The following USH2A variants were observed in gnomAD, a reference collection of about 807,000 sequenced individuals.
USH2A encodes usherin.
Under a neutral mutation model 538.9 loss-of-function variants are expected in USH2A, and 443 were observed. The observed-to-expected ratio is 0.82, with a 90% CI of 0.76 to 0.89. USH2A has a LOEUF of 0.89. USH2A is among the 40% of genes least tolerant of loss of function. The pLI, the probability that USH2A is intolerant of heterozygous loss-of-function variation, is 0.00. For missense variants in USH2A, 6,633 were observed against 6,324.8 expected (o/e 1.05, Z -1.65); for synonymous variants, 2,413 against 2,273.5 (o/e 1.06, Z -1.75).
rs541873542 is a variant in USH2A, at chr1:215,680,201, C to T, written c.12242G>A (p.Arg4081Gln). 97 of 1,614,106 alleles carry T rather than the reference C, an allele frequency of 6.0e-5. No individual in the cohort carries two copies. In the South Asian group the frequency reaches 7.7e-4, roughly 13 times the overall value. ...NFIVEQKENG[R>Q]ALLLQWSEPM... is the part of the protein sequence containing the mutation. The stretch of plus-strand genomic sequence containing the variant: ...TTCTGACCACTGTAGTAGCAATGCC[C>T]GGCCATTCTCTTTCTGTTCTACTAT... Residue 4081 changes from arginine to glutamine, a missense_variant, in exon 62 of 72, where the codon CGG (arginine) becomes CAG (glutamine). Physicochemically the swap from Arg to Gln is conservative, Grantham distance 43. Coordinates refer to ENST00000307340, the MANE Select transcript of USH2A (RefSeq NM_206933.4).
chr1:216,267,866 A>G (rs892992904), intron 11 of USH2A, among the ~76,000 whole-genome samples: 1 of 152,148 alleles, frequency 6.6e-6, no homozygotes, highest in Admixed American at 6.5e-5. Flanking sequence ...CATATTTTAC[A>G]TGTAGTAGAT....
At chr1:215,710,085 G>A (rs1399192746) in intron 61 of USH2A, among the ~76,000 whole-genome samples, 1 of 152,192 alleles carries the variant, frequency 6.6e-6, no homozygotes, top group African/African-American at 2.4e-5. Flanking sequence ...AAGAAGCTAT[G>A]GGTACATAGG....
chr1:216,077,350 T>C (rs2031786154), intron 27 of USH2A, among the ~76,000 whole-genome samples: 1 of 152,174 alleles, frequency 6.6e-6, no homozygotes, highest in African/African-American at 2.4e-5. Context: ...ACAAGTATGT[T>C]TGGAAGTCAA....
At chr1:215,764,542 G>A (rs554054597) in intron 56 of USH2A, among the ~76,000 whole-genome samples, 53 of 152,254 alleles carry the variant, frequency 3.5e-4, no homozygotes, top group African/African-American at 1.2e-3. Context: ...TTGTCAATGA[G>A]GTTGTAATGT....
At chr1:216,006,878 T>C (rs996975001) in intron 32 of USH2A, among the ~76,000 whole-genome samples, 5 of 152,240 alleles carry the variant, frequency 3.3e-5, no homozygotes, top group African/African-American at 1.2e-4. Flanking sequence ...ATATGTTTTC[T>C]GCATTTAATT....
At chr1:215,890,789 C>T (rs889277918) in intron 40 of USH2A, among the ~76,000 whole-genome samples, 19 of 152,036 alleles carry the variant, frequency 1.2e-4, no homozygotes, top group Non-Finnish European at 1.8e-4. Context: ...AAAGCAAGTA[C>T]GAGTCTTGTA....
At chr1:215,636,690 G>A (rs528545182) in intron 69 of USH2A, among the ~76,000 whole-genome samples, 1 of 152,120 alleles carries the variant, frequency 6.6e-6, no homozygotes, top group Non-Finnish European at 1.5e-5. Flanking sequence ...AAGGGAAATA[G>A]CCCTTAGAAC....
chr1:216,228,478 A>C (rs752620888), intron 14 of USH2A, among the ~76,000 whole-genome samples: 1 of 152,092 alleles, frequency 6.6e-6, no homozygotes, highest in Non-Finnish European at 1.5e-5. Context: ...ACACAGTGAG[A>C]GGTGATTGAA....
At chr1:216,364,865 A>G (rs929828875) in intron 4 of USH2A, 88 bp downstream of exon 4, 14 of 1,527,064 alleles carry the variant, frequency 9.2e-6, no homozygotes, top group Non-Finnish European at 1.3e-5. Flanking sequence ...GAATACACGT[A>G]GATATTTTAA....
At chr1:216,217,332 C>T in intron 15 of USH2A, 55 bp downstream of exon 15, 2 of 1,601,860 alleles carry the variant, frequency 1.2e-6, no homozygotes, top group South Asian at 2.2e-5. Context: ...CAATGAGATG[C>T]AGTCCCCTGT....
At chr1:216,097,882 T>C in intron 21 of USH2A, among the ~76,000 whole-genome samples, 1 of 151,302 alleles carries the variant, frequency 6.6e-6, no homozygotes, top group South Asian at 2.1e-4. Flanking sequence ...CCATTACATG[T>C]CCCCATCTCC....
intron 61 of USH2A, among the ~76,000 whole-genome samples, chr1:215,711,295 C>T (rs868458892): frequency 2.6e-5 from 4 of 152,202 alleles, no homozygotes; most frequent in South Asian, 4.2e-4. Context: ...TGTGTTGCGA[C>T]TTGGAGTTGA....
rs1323135340 is a variant in USH2A at position 215,715,692 on chromosome 1, C to T, written c.12066+12338G>A. On this transcript the variant is annotated intron_variant, in intron 61 of 71. Coordinates refer to ENST00000307340, the MANE Select transcript of USH2A (RefSeq NM_206933.4). ...TGCCTGCCATTATGTTTATGTAATT[C>T]TGACAGTGTTCTTAATGACACACTA... 3.3e-5 allele frequency among the ~76,000 whole-genome samples: 5 copies of T among 152,168 alleles called. No individual in the cohort carries two copies. The South Asian group carries it at 1.0e-3, about 32-fold the overall frequency.
chr1:216,305,254 T>G (rs1318885204), intron 9 of USH2A, among the ~76,000 whole-genome samples: 1 of 152,170 alleles, frequency 6.6e-6, no homozygotes, highest in East Asian at 1.9e-4. Context: ...ACTAGTCCTT[T>G]TATCATTATA....
At chr1:216,179,117 A>G (rs950240316) in intron 20 of USH2A, among the ~76,000 whole-genome samples, 7 of 152,112 alleles carry the variant, frequency 4.6e-5, no homozygotes, top group African/African-American at 1.4e-4. Flanking sequence ...CACTCAACTC[A>G]ATGGAGATAA....
intron 36 of USH2A, among the ~76,000 whole-genome samples, chr1:215,966,211 G>A (rs1022509618): frequency 3.3e-5 from 5 of 152,080 alleles, no homozygotes; most frequent in South Asian, 2.1e-4. Context: ...TAGCTGTACC[G>A]GGGTCAGGAA....
intron 20 of USH2A, among the ~76,000 whole-genome samples, chr1:216,182,728 T>C (rs1376180305): frequency 6.6e-6 from 1 of 152,104 alleles, no homozygotes; most frequent in Non-Finnish European, 1.5e-5. Context: ...TAAATTTTAA[T>C]TGTTGACATT....
chr1:216,079,095 A>G (rs1281357208), intron 26 of USH2A: 1 of 152,156 alleles, frequency 6.6e-6, no homozygotes, highest in Admixed American at 6.6e-5. Flanking sequence ...TAACCATATG[A>G]TATTTAAAAT....
At chr1:215,965,656 C>G (rs543807485) in intron 36 of USH2A, among the ~76,000 whole-genome samples, 177 bp from the exon 37 acceptor site, 1 of 151,950 alleles carries the variant, frequency 6.6e-6, no homozygotes, top group East Asian at 1.9e-4. Context: ...GTTTTCTTCC[C>G]CCTGCTGTTA....
Sources: gnomAD v4.1 joint callset for allele counts (sites outside exome capture counted in the v4.1 genomes callset) on GRCh38, gnomAD v4.1.1 for gene constraint, MANE v1.5 for transcripts, NCBI Gene and HGNC (gene_info 2026-07-23, HGNC 2026-07-21) for gene names.